CYP39A1: variants seen among roughly 807,000 people sequenced by gnomAD.
The protein encoded by CYP39A1 is 24-hydroxycholesterol 7-alpha-hydroxylase.
In CYP39A1, 49 loss-of-function variants were observed where a neutral mutation model predicts 58.1. That is an observed-to-expected ratio of 0.84 (90% CI 0.67 to 1.07). The LOEUF (loss-of-function observed/expected upper bound fraction) is 1.07, where lower values mean the gene tolerates loss of function less well. CYP39A1 is among the 50% of genes least tolerant of loss of function. The probability of loss-of-function intolerance (pLI) is 0.00; values close to 1 mark genes in which losing one functional copy is unlikely to be tolerated. For missense variants in CYP39A1, 531 were observed against 539.4 expected, an observed-to-expected ratio of 0.98 and a Z score of 0.16; for synonymous variants, 209 against 187.6, an observed-to-expected ratio of 1.11 and a Z score of -0.93.
chr6:46,590,528 T>G (rs915709184), intron 8 of CYP39A1, among the ~76,000 whole-genome samples: 2 of 152,122 alleles, frequency 1.3e-5, no homozygotes, highest in East Asian at 3.9e-4. Context: ...GAGGCTTGGT[T>G]GGTGTTTGTG....
intron 10 of CYP39A1, among the ~76,000 whole-genome samples, chr6:46,579,994 GA>G (rs1401258696): frequency 6.6e-6 from 1 of 151,912 alleles, no homozygotes; most frequent in Non-Finnish European, 1.5e-5. Context: ...CACAGAATTG[GA>G]AAAAACTATT....
chr6:46,558,876 A>G (rs555675031), intron 10 of CYP39A1, among the ~76,000 whole-genome samples: 5 of 151,962 alleles, frequency 3.3e-5, no homozygotes, highest in African/African-American at 1.2e-4. Flanking sequence ...CGCACCTGTA[A>G]TCCCAGCTAC....
chr6:46,570,120 T>C lies in CYP39A1; in HGVS notation c.1251-16266A>G, dbSNP rs570199230. Among the ~76,000 whole-genome samples, 46 of 152,254 alleles carry C rather than the reference T, an allele frequency of 3.0e-4. No homozygotes were observed. In the South Asian group the frequency reaches 9.3e-3, roughly 31 times the overall value. On this transcript the variant is annotated intron_variant, in intron 10 of 11. Transcript: ENST00000275016. ...TTTCTGGAAATTAATCTAGTTTTTC[T>C]AGGTTATCTAACTGGTTTTATTTAA...
At chr6:46,558,870 C>T (rs1770808107) in intron 10 of CYP39A1, among the ~76,000 whole-genome samples, 1 of 152,068 alleles carries the variant, frequency 6.6e-6, no homozygotes, top group African/African-American at 2.4e-5. Context: ...GTGGCACGCA[C>T]CTGTAATCCC....
intron 10 of CYP39A1, among the ~76,000 whole-genome samples, chr6:46,580,678 A>C (rs1219603378): frequency 6.6e-6 from 1 of 152,220 alleles, no homozygotes; most frequent in Non-Finnish European, 1.5e-5. Context: ...ATTTAAAAAA[A>C]ATGGGCAAAT....
chr6:46,650,519 T>A (rs1378955913), intron 1 of CYP39A1, among the ~76,000 whole-genome samples: 1 of 106,648 alleles, frequency 9.4e-6, no homozygotes, highest in East Asian at 3.0e-4. Context: ...TTTTTTTTTT[T>A]AAGAGACAAG....
chr6:46,582,856 C>T (rs1165380144), intron 10 of CYP39A1, among the ~76,000 whole-genome samples: 5 of 152,002 alleles, frequency 3.3e-5, no homozygotes, highest in Non-Finnish European at 5.9e-5. Context: ...TGATAACTCC[C>T]AGAACCCTAA....
intron 1 of CYP39A1, among the ~76,000 whole-genome samples, chr6:46,647,575 C>T (rs1363259085): frequency 1.3e-5 from 2 of 152,126 alleles, no homozygotes; most frequent in Non-Finnish European, 2.9e-5. Context: ...AGGTAGACAC[C>T]ATTTCCCTCA....
At chr6:46,643,059 A>C (rs1776440629) in intron 1 of CYP39A1, among the ~76,000 whole-genome samples, 1 of 152,016 alleles carries the variant, frequency 6.6e-6, no homozygotes, top group Non-Finnish European at 1.5e-5. Flanking sequence ...TCTCTCCTAC[A>C]TCATTAATTT....
rs1302262897 is a variant in CYP39A1, at chr6:46,624,101, T to C, written c.931+1317A>G. Among the ~76,000 whole-genome samples the C allele has an allele frequency of 1.4e-4, 21 of 152,164 alleles. 1 individual carries two copies. The highest frequency in any genetic ancestry group is 2.9e-5 in the Non-Finnish European group (2 of 68,022). ...GTTCAAGAGTTCTAGAATCAAGCCT[T>C]GTAGAAATTTAGATTAATGTTACAC... On this transcript the variant is annotated intron_variant, in intron 7 of 11. Transcript: ENST00000275016.
intron 7 of CYP39A1, among the ~76,000 whole-genome samples, chr6:46,602,745 G>T (rs925612766): frequency 1.4e-5 from 2 of 139,780 alleles, no homozygotes; most frequent in East Asian, 4.2e-4. Context: ...AGAGGTAGAA[G>T]ACATCCTTGG....
At chr6:46,594,881 TG>T (rs1256270509) in intron 8 of CYP39A1, among the ~76,000 whole-genome samples, 1 of 151,672 alleles carries the variant, frequency 6.6e-6, no homozygotes, top group Non-Finnish European at 1.5e-5. Flanking sequence ...GACAACCTAA[TG>T]GGGGAAAATT....
At chr6:46,568,229 C>A (rs540017428) in intron 10 of CYP39A1, among the ~76,000 whole-genome samples, 23 of 152,108 alleles carry the variant, frequency 1.5e-4, no homozygotes, top group Non-Finnish European at 2.9e-4. Flanking sequence ...TATTTAAGTT[C>A]TTTGCTCATT....
At position 46,563,600 on chromosome 6, in the gene CYP39A1, G is replaced by GAA. The variant is rs1462954045; in HGVS notation, c.1251-9747_1251-9746insTT. 3.9e-5 allele frequency among the ~76,000 whole-genome samples: 6 copies of GAA among 152,264 alleles called. 1 individual carries two copies. Among genetic ancestry groups the GAA allele is most frequent in the African/African-American group, 1.4e-4 (6 of 41,542 alleles). ...ATGGAAGAGGTCACAATAATATATA[G>GAA]ATGAAGGTAGAAACAAGGGAAACAA... is the stretch of plus-strand genomic sequence containing the variant. On this transcript the variant is annotated intron_variant, in intron 10 of 11. Transcript: ENST00000275016.
intron 7 of CYP39A1, among the ~76,000 whole-genome samples, chr6:46,602,456 T>C (rs1773569842): frequency 6.6e-6 from 1 of 151,954 alleles, no homozygotes. Context: ...GCCCAAGAGT[T>C]TGCATTTCTG....
chr6:46,569,732 G>A (rs574044663), intron 10 of CYP39A1, among the ~76,000 whole-genome samples: 4 of 151,980 alleles, frequency 2.6e-5, no homozygotes, highest in Admixed American at 2.6e-4. Context: ...ACTTGATCAT[G>A]GTGTATGATC....
At chr6:46,583,019 G>A (rs1208217279) in intron 10 of CYP39A1, 2 of 973,574 alleles carry the variant, frequency 2.1e-6, no homozygotes, top group Non-Finnish European at 2.4e-6. Flanking sequence ...ATAGATGTGA[G>A]ATTTTCATTA....
intron 5 of CYP39A1, among the ~76,000 whole-genome samples, chr6:46,632,741 G>T (rs538951745): frequency 1.2e-3 from 181 of 152,222 alleles, no homozygotes; most frequent in Non-Finnish European, 1.9e-3. Flanking sequence ...CATATAGCTT[G>T]AAGGTGGTTG....
At chr6:46,550,589 C>G in intron 11 of CYP39A1, 152 bp from the exon 12 acceptor site, 1 of 597,700 alleles carries the variant, frequency 1.7e-6, no homozygotes, top group Non-Finnish European at 2.9e-6. Flanking sequence ...TTCACAATAT[C>G]CAACATCAAC....
Sources: gnomAD v4.1 joint callset for allele counts (sites outside exome capture counted in the v4.1 genomes callset) on GRCh38, gnomAD v4.1.1 for gene constraint, MANE v1.5 for transcripts, NCBI Gene and HGNC (gene_info 2026-07-23, HGNC 2026-07-21) for gene names.